NRCAM: variants seen among roughly 807,000 people sequenced by gnomAD.
NRCAM encodes neuronal cell adhesion molecule.
In NRCAM, 83 loss-of-function variants were observed where a neutral mutation model predicts 156.5. The observed-to-expected ratio is 0.53, with a 90% CI of 0.44 to 0.64. The LOEUF is 0.64. Among genes scored for constraint, NRCAM ranks in the 30% least tolerant of loss-of-function variants. The pLI is 0.00. For synonymous variants in NRCAM, 538 were observed against 563.9 expected (o/e 0.95, Z 0.65); for missense variants, 1,417 against 1,597.3 (o/e 0.89, Z 1.92).
chr7:108,151,145 T>C (rs1359980839), intron 32 of NRCAM, among the ~76,000 whole-genome samples: 1 of 152,234 alleles, frequency 6.6e-6, no homozygotes, highest in Non-Finnish European at 1.5e-5. Context: ...CATTATGTTT[T>C]TGAATGTTCA....
At position 108,234,592 on chromosome 7, in the gene NRCAM, G is replaced by A. The variant is rs190863461; in HGVS notation, c.221C>T (p.Pro74Leu). Residue 74 changes from proline (P) to leucine (L), a missense_variant, in exon 6 of 33, where the codon CCG (proline) becomes CTG (leucine). Physicochemically the swap from Pro to Leu is moderately conservative, Grantham distance 98 (BLOSUM62 -3). Coordinates refer to ENST00000379028, the MANE Select transcript of NRCAM (RefSeq NM_001037132.4). ...CAGAATGCACACTCACCTTGGGGGC[G>A]GTTTCCCTTTGGCTTCACACTGGAT... The part of the protein sequence containing the change: ...IVIQCEAKGK[P>L]PPSFSWTRNG... The A allele has an allele frequency of 2.1e-5, 33 of 1,597,696 alleles. No homozygotes were observed. The highest frequency in any genetic ancestry group is 1.0e-4 in the Admixed American group (6 of 59,816).
intron 3 of NRCAM, among the ~76,000 whole-genome samples, chr7:108,307,477 C>T (rs575894589): frequency 6.6e-6 from 1 of 152,200 alleles, no homozygotes; most frequent in Non-Finnish European, 1.5e-5. Flanking sequence ...TCATTCTCTC[C>T]TGTATTCGTG....
At chr7:108,373,030 T>C (rs2099639078) in intron 2 of NRCAM, among the ~76,000 whole-genome samples, 1 of 152,086 alleles carries the variant, frequency 6.6e-6, no homozygotes, top group Non-Finnish European at 1.5e-5. Flanking sequence ...AAAAAGAATA[T>C]TCTGTAATAT....
At chr7:108,162,563 T>C (rs966719270) in intron 30 of NRCAM, among the ~76,000 whole-genome samples, 2 of 152,220 alleles carry the variant, frequency 1.3e-5, no homozygotes, top group South Asian at 4.1e-4. Context: ...AGCAGAGATA[T>C]TGTTCTACAA....
intron 1 of NRCAM, among the ~76,000 whole-genome samples, chr7:108,403,851 C>T (rs936195467): frequency 6.6e-6 from 1 of 152,178 alleles, no homozygotes; most frequent in African/African-American, 2.4e-5. Context: ...TTTAGGTCAT[C>T]GGTATCCCCT....
chr7:108,367,299 T>A (rs1234105708), intron 2 of NRCAM, among the ~76,000 whole-genome samples: 1 of 152,194 alleles, frequency 6.6e-6, no homozygotes, highest in Non-Finnish European at 1.5e-5. Flanking sequence ...AAGTGAATAA[T>A]CACATTAGAT....
chr7:108,330,680 A>C (rs1260305467), intron 2 of NRCAM, among the ~76,000 whole-genome samples: 1 of 152,218 alleles, frequency 6.6e-6, no homozygotes. Flanking sequence ...ATGGCCATGC[A>C]GAAGGGGGCC....
Position 108,198,016 on chromosome 7 carries a change from G to A in NRCAM, c.1291C>T (p.Gln431Ter), listed in dbSNP as rs921719042. ...CCATATTCATTAGAGGCATTGCACT[G>A]ATAGACTGCACTTGATCTTTCTTGA... ...NVQERSSAVY[Q>*]CNASNEYGYL... The change falls in exon 14 of 33, where the codon CAG becomes TAG. Residue 431 changes from glutamine (Q) to a stop codon, truncating the protein, a stop_gained. Coordinates refer to ENST00000379028, the MANE Select transcript of NRCAM (RefSeq NM_001037132.4). LOFTEE classifies it high-confidence loss of function. 2 of 1,594,432 alleles carry A rather than the reference G, an allele frequency of 1.3e-6. No homozygotes were observed. Among genetic ancestry groups the A allele is most frequent in the Non-Finnish European group, 1.7e-6 (2 of 1,168,818 alleles).
At chr7:108,245,114 A>T (rs1304953249) in intron 3 of NRCAM, among the ~76,000 whole-genome samples, 1 of 152,106 alleles carries the variant, frequency 6.6e-6, no homozygotes, top group Admixed American at 6.5e-5. Context: ...ACTTACTGAT[A>T]AGGAATTCAA....
intron 2 of NRCAM, among the ~76,000 whole-genome samples, chr7:108,355,606 G>A (rs570698985): frequency 2.6e-5 from 4 of 152,320 alleles, no homozygotes; most frequent in African/African-American, 9.6e-5. Flanking sequence ...TAAATGGCAT[G>A]TCATTCTGAG....
At chr7:108,223,427 CTTATT>C (rs2092810390) in intron 11 of NRCAM, among the ~76,000 whole-genome samples, 1 of 152,028 alleles carries the variant, frequency 6.6e-6, no homozygotes, top group Non-Finnish European at 1.5e-5. Context: ...ATTACTGATA[CTTATT>C]TTAAGATACT....
intron 3 of NRCAM, among the ~76,000 whole-genome samples, chr7:108,300,692 G>C (rs776931110): frequency 6.6e-6 from 1 of 152,056 alleles, no homozygotes; most frequent in South Asian, 2.1e-4. Context: ...TTGCAACCTG[G>C]AATTTCTCCA....
intron 3 of NRCAM, among the ~76,000 whole-genome samples, chr7:108,283,397 T>C (rs963334376): frequency 1.3e-5 from 2 of 152,130 alleles, no homozygotes; most frequent in East Asian, 3.8e-4. Flanking sequence ...ATTGCTATGA[T>C]TGCCAAGGAA....
chr7:108,274,370 A>G (rs2097507340), intron 3 of NRCAM, among the ~76,000 whole-genome samples: 1 of 152,210 alleles, frequency 6.6e-6, no homozygotes, highest in South Asian at 2.1e-4. Context: ...CCTATCCATG[A>G]GCATGGCATG....
At chr7:108,441,772 C>T (rs1327631615) in intron 1 of NRCAM, among the ~76,000 whole-genome samples, 1 of 152,194 alleles carries the variant, frequency 6.6e-6, no homozygotes, top group Non-Finnish European at 1.5e-5. Flanking sequence ...CCAAATCTGG[C>T]CTGCCGCCAA....
chr7:108,259,557 A>G (rs888007053), intron 3 of NRCAM, among the ~76,000 whole-genome samples: 2 of 152,238 alleles, frequency 1.3e-5, no homozygotes, highest in Non-Finnish European at 2.9e-5. Context: ...TGTTTGTTGC[A>G]GCACTATTCA....
Position 108,270,388 on chromosome 7 carries a change from A to C in NRCAM, c.-106-30218T>G, listed in dbSNP as rs554910201. Among the ~76,000 whole-genome samples the C allele has an allele frequency of 2.6e-5, 4 of 152,334 alleles. No individual in the cohort carries two copies. In the South Asian group the frequency reaches 8.3e-4, roughly 32 times the overall value. On this transcript the variant is annotated intron_variant, in intron 3 of 32. Coordinates refer to ENST00000379028, the MANE Select transcript of NRCAM (RefSeq NM_001037132.4). The stretch of plus-strand genomic sequence containing the variant: ...TCTTGTGGAGGCTTAATAATAATTC[A>C]TTCATTTAATAATTCACAGATAGGG...
intron 2 of NRCAM, among the ~76,000 whole-genome samples, chr7:108,343,795 T>C (rs1431697809): frequency 3.3e-5 from 5 of 152,160 alleles, no homozygotes; most frequent in Admixed American, 3.3e-4. Flanking sequence ...CAAGCAGATA[T>C]AGTCAGGGCC....
intron 1 of NRCAM, among the ~76,000 whole-genome samples, chr7:108,430,500 C>T (rs1823622232): frequency 6.6e-6 from 1 of 152,136 alleles, no homozygotes; most frequent in South Asian, 2.1e-4. Flanking sequence ...AAAATTTTGA[C>T]CCATGCAAGT....
Sources: allele counts gnomAD v4.1 joint callset (sites outside exome capture counted in the v4.1 genomes callset), GRCh38; gene constraint gnomAD v4.1.1; transcripts MANE v1.5; gene names NCBI Gene and HGNC (gene_info 2026-07-23, HGNC 2026-07-21).